The following CCDC3 variants were observed in gnomAD, a reference collection of about 807,000 sequenced individuals.
CCDC3 encodes the protein coiled-coil domain-containing protein 3.
CCDC3 carries 24 observed loss-of-function variants against 21.4 expected under a neutral mutation model. That is an observed-to-expected ratio of 1.12 (90% CI 0.81 to 1.58). CCDC3 has a LOEUF of 1.58. CCDC3 is among the 40% of genes most tolerant of loss of function. The pLI is 0.00. For missense variants in CCDC3, 425 were observed against 360.9 expected, an observed-to-expected ratio of 1.18 and a Z score of -1.44; for synonymous variants, 186 against 166.0, an observed-to-expected ratio of 1.12 and a Z score of -0.93.
chr10:12,922,971 T>C (rs1834475712), intron 2 of CCDC3, among the ~76,000 whole-genome samples: 1 of 152,202 alleles, frequency 6.6e-6, no homozygotes, highest in South Asian at 2.1e-4. Context: ...CATCCTTTCC[T>C]TCCCTCTCCC....
intron 5 of CCDC3, among the ~76,000 whole-genome samples, chr10:13,032,304 A>G (rs866601654): frequency 3.9e-5 from 6 of 152,342 alleles, no homozygotes; most frequent in Middle Eastern, 3.4e-3. Context: ...TTCATGCTAA[A>G]AATTCTCAAT....
Position 12,898,082 on chromosome 10 carries a change from T to G in CCDC3, c.*334A>C, listed in dbSNP as rs1834029030. The stretch of plus-strand genomic sequence containing the variant: ...TAAAGGCTAAGCACGTTGATGTCTT[T>G]TACACTAGAGATTCTAAAATGTTCT... On this transcript the variant is annotated 3_prime_UTR_variant, in exon 3 of 3. Transcript: ENST00000378825. 1 of 293,338 alleles carries G rather than the reference T, an allele frequency of 3.4e-6. No homozygotes were observed. The highest frequency in any genetic ancestry group is 4.6e-5 in the Admixed American group (1 of 21,632). 18.2% of individuals were successfully genotyped at this position (293,338 alleles called of 1,614,324 possible).
rs35847630 is a variant in CCDC3 at position 12,948,467 on chromosome 10, GCACACA to G, written c.550-49794_550-49789del. On this transcript the variant is annotated intron_variant, in intron 2 of 2. Coordinates refer to ENST00000378825, the MANE Select transcript of CCDC3 (RefSeq NM_031455.4). ...TGTGGCTAAAGGCAGGCAGACAATT[GCACACA>G]CACACACACACACACACACACGGGA... Among the ~76,000 whole-genome samples the G allele has an allele frequency of 4.8e-3, 712 of 148,318 alleles. 8 individuals are homozygous for G. Among genetic ancestry groups the G allele is most frequent in the African/African-American group, 0.016 (660 of 40,342 alleles).
intron 5 of CCDC3, among the ~76,000 whole-genome samples, chr10:13,021,597 G>A (rs1467512081): frequency 2.0e-5 from 3 of 152,122 alleles, no homozygotes; most frequent in African/African-American, 7.2e-5. Flanking sequence ...GAGAAATTCA[G>A]AATGATCTGC....
chr10:12,969,580 A>G (rs1470174167), intron 2 of CCDC3, among the ~76,000 whole-genome samples: 1 of 151,624 alleles, frequency 6.6e-6, no homozygotes, highest in East Asian at 1.9e-4. Context: ...ACAGTATGAA[A>G]AAGAAGCCAA....
At chr10:13,023,327 G>A (rs757900945) in intron 5 of CCDC3, among the ~76,000 whole-genome samples, 5 of 151,080 alleles carry the variant, frequency 3.3e-5, no homozygotes, top group Non-Finnish European at 5.9e-5. Context: ...CTTGTAGTCT[G>A]GATGCTGGAA....
At chr10:12,935,820 T>G (rs35996241) in intron 2 of CCDC3, among the ~76,000 whole-genome samples, 14,932 of 152,158 alleles carry the variant, frequency 0.098, 759 homozygotes, top group African/African-American at 0.13. Flanking sequence ...CGTGAGCCAG[T>G]GCGCCCGGCC....
At position 12,998,482 on chromosome 10, in the gene CCDC3, G is replaced by A. The variant is rs143765567; in HGVS notation, c.405C>T (p.His135=). ...RMDENYNLLP[H]GVNFQDAIFP... ...AGATGGCATCTTGGAAATTGACTCC[G>A]TGAGGCAAGAGGTTATAATTTTCAT... Residue 135 remains histidine, a synonymous_variant, in exon 2 of 3, where the codon CAC becomes CAT. Transcript: ENST00000378825. 808 of 1,614,096 alleles carry A rather than the reference G, an allele frequency of 5.0e-4. No homozygotes were observed. The highest frequency in any genetic ancestry group is 6.5e-4 in the Non-Finnish European group (771 of 1,180,008).
intron 2 of CCDC3, among the ~76,000 whole-genome samples, chr10:12,970,770 C>A (rs1256832014): frequency 6.6e-6 from 1 of 151,960 alleles, no homozygotes; most frequent in Non-Finnish European, 1.5e-5. Context: ...CCTGAAATCC[C>A]AGCTACTCAG....
chr10:13,071,826 T>C (rs897095526), intron 4 of CCDC3, among the ~76,000 whole-genome samples: 11 of 152,174 alleles, frequency 7.2e-5, no homozygotes, highest in African/African-American at 2.4e-4. Context: ...CCTGAACCCC[T>C]GGGACTCCTC....
At chr10:13,032,897 G>A (rs1157608660) in intron 5 of CCDC3, among the ~76,000 whole-genome samples, 8 of 152,238 alleles carry the variant, frequency 5.3e-5, no homozygotes, top group East Asian at 1.9e-4. Flanking sequence ...AATCAATATC[G>A]TGAACATGGC....
intron 4 of CCDC3, among the ~76,000 whole-genome samples, chr10:13,054,154 CAAA>C (rs71386143): frequency 1.0e-4 from 10 of 99,906 alleles, no homozygotes; most frequent in Admixed American, 1.1e-4. Context: ...GACTCTGTAT[CAAA>C]AAAAAAAAAA....
chr10:13,029,795 A>T (rs1234934490), intron 5 of CCDC3, among the ~76,000 whole-genome samples: 2 of 152,224 alleles, frequency 1.3e-5, no homozygotes, highest in Admixed American at 6.5e-5. Context: ...TAGAGAAAAA[A>T]GAGTAAAAAG....
At chr10:13,051,103 T>C (rs570690171) in intron 4 of CCDC3, among the ~76,000 whole-genome samples, 7 of 152,186 alleles carry the variant, frequency 4.6e-5, no homozygotes, top group Non-Finnish European at 8.8e-5. Context: ...ATCAGCAGAT[T>C]AGACAAAGCT....
intron 2 of CCDC3, among the ~76,000 whole-genome samples, chr10:12,900,690 C>CAAAAAA (rs547349413): frequency 3.2e-5 from 2 of 63,450 alleles, no homozygotes; most frequent in Non-Finnish European, 5.9e-5. Context: ...CACTCCATCT[C>CAAAAAA]AAAAAAAAAA....
chr10:13,066,522 T>A (rs753395729), intron 4 of CCDC3, among the ~76,000 whole-genome samples: 1 of 152,334 alleles, frequency 6.6e-6, no homozygotes, highest in Non-Finnish European at 1.5e-5. Flanking sequence ...GAAAGAGATG[T>A]TTAGTTTTGG....
In CCDC3 at chr10:12,998,546, A is replaced by C. The variant is rs777160974; in HGVS notation, c.375-34T>G. 5 of 1,602,396 alleles carry C rather than the reference A, an allele frequency of 3.1e-6. No individual in the cohort carries two copies. In the Admixed American group the frequency reaches 6.7e-5, roughly 22 times the overall value. Reference sequence around the variant, plus strand: ...GGAAAAAAAGGCAGACATGTAGGCTAGACAGTCAAGGGTGTACCAGCTCCA... The same window carrying C: ...GGAAAAAAAGGCAGACATGTAGGCTCGACAGTCAAGGGTGTACCAGCTCCA... On this transcript the variant is annotated intron_variant, in intron 1 of 2. Coordinates refer to ENST00000378825, the MANE Select transcript of CCDC3 (RefSeq NM_031455.4).
At chr10:13,036,794 A>ATT (rs35674867) in intron 5 of CCDC3, among the ~76,000 whole-genome samples, 15 of 145,036 alleles carry the variant, frequency 1.0e-4, no homozygotes, top group African/African-American at 3.8e-4. Flanking sequence ...TCTTATGTAC[A>ATT]TTTTTTTTTT....
At chr10:13,079,308 C>G (rs7096276) in intron 3 of CCDC3, among the ~76,000 whole-genome samples, 108,579 of 152,046 alleles carry the variant, frequency 0.71, 39,197 homozygotes, top group Middle Eastern at 0.81. Context: ...CGAGACCCAC[C>G]TGGTGTGATG....
Sources: allele counts gnomAD v4.1 joint callset (sites outside exome capture counted in the v4.1 genomes callset), GRCh38; gene constraint gnomAD v4.1.1; transcripts MANE v1.5; gene names NCBI Gene and HGNC (gene_info 2026-07-23, HGNC 2026-07-21).